EEPD1: variants seen among roughly 807,000 people sequenced by gnomAD.
EEPD1 encodes endonuclease/exonuclease/phosphatase family domain-containing protein 1.
Under a neutral mutation model 46.3 loss-of-function variants are expected in EEPD1, and 17 were observed. That is an observed-to-expected ratio of 0.37 (90% CI 0.25 to 0.55). The LOEUF (loss-of-function observed/expected upper bound fraction) is 0.55. Among genes scored for constraint, EEPD1 ranks in the 20% least tolerant of loss-of-function variants. The pLI, the probability that EEPD1 is intolerant of heterozygous loss-of-function variation, is 0.83. For missense variants in EEPD1, 673 were observed against 745.6 expected (o/e 0.90, Z 1.13); for synonymous variants, 313 against 315.6 (o/e 0.99, Z 0.09).
chr7:36,245,182 A>G (rs925162379), intron 3 of EEPD1, among the ~76,000 whole-genome samples: 38 of 152,112 alleles, frequency 2.5e-4, no homozygotes, highest in African/African-American at 9.2e-4. Context: ...TCCGGGCCTC[A>G]GGTCATCCAC....
In EEPD1 at chr7:36,161,897, CAAA is replaced by C. The variant is rs10570788; in HGVS notation, c.878+6712_878+6714del. 7.2e-4 allele frequency among the ~76,000 whole-genome samples: 91 copies of C among 127,098 alleles called. 2 individuals are homozygous for C. Among genetic ancestry groups the C allele is most frequent in the Admixed American group, 1.2e-3 (14 of 11,542 alleles). 83.4% of individuals were successfully genotyped at this position (127,098 alleles called of 152,430 possible). On this transcript the variant is annotated intron_variant, in intron 2 of 7. Transcript: ENST00000242108. Reference sequence around the variant, plus strand: ...TGACAGAGTGAGACCCTGTCTCTCTCAAAAAAAAAAAAAAAAAAATTACTCTAC... The same window carrying C: ...TGACAGAGTGAGACCCTGTCTCTCTCAAAAAAAAAAAAAAAATTACTCTAC...
At chr7:36,172,113 GT>G (rs1238957575) in intron 2 of EEPD1, among the ~76,000 whole-genome samples, 1 of 152,138 alleles carries the variant, frequency 6.6e-6, no homozygotes, top group Non-Finnish European at 1.5e-5. Flanking sequence ...TTACTGTGGT[GT>G]TATGATATAC....
intron 2 of EEPD1, among the ~76,000 whole-genome samples, chr7:36,219,109 C>T (rs1391798416): frequency 6.6e-6 from 1 of 151,974 alleles, no homozygotes; most frequent in East Asian, 1.9e-4. Flanking sequence ...TTGTAACATA[C>T]TTTGAAATCC....
chr7:36,286,307 C>T (rs2115881294), intron 5 of EEPD1, among the ~76,000 whole-genome samples: 1 of 152,308 alleles, frequency 6.6e-6, no homozygotes, highest in East Asian at 1.9e-4. Flanking sequence ...GCACTGTGCC[C>T]CCCACCCAGC....
At chr7:36,286,884 G>A (rs1254378699) in intron 5 of EEPD1, among the ~76,000 whole-genome samples, 4 of 152,118 alleles carry the variant, frequency 2.6e-5, no homozygotes, top group Admixed American at 2.6e-4. Flanking sequence ...GGCCAAGCTG[G>A]TCTCAAATTG....
At chr7:36,206,065 C>A (rs1404844961) in intron 2 of EEPD1, among the ~76,000 whole-genome samples, 1 of 152,198 alleles carries the variant, frequency 6.6e-6, no homozygotes, top group East Asian at 1.9e-4. Flanking sequence ...AGCCAGACTG[C>A]CCCAGCCCCA....
chr7:36,264,155 A>C (rs573909552), intron 3 of EEPD1, among the ~76,000 whole-genome samples: 1 of 152,242 alleles, frequency 6.6e-6, no homozygotes, highest in Non-Finnish European at 1.5e-5. Flanking sequence ...ACTAAGGCAT[A>C]CAGAATTGCA....
At chr7:36,255,426 T>C (rs1786813378) in intron 3 of EEPD1, among the ~76,000 whole-genome samples, 1 of 152,186 alleles carries the variant, frequency 6.6e-6, no homozygotes, top group South Asian at 2.1e-4. Context: ...TTTGTCAGGT[T>C]TGTCAAAGAT....
At chr7:36,172,641 T>A (rs909469382) in intron 2 of EEPD1, among the ~76,000 whole-genome samples, 1 of 109,320 alleles carries the variant, frequency 9.1e-6, no homozygotes, top group African/African-American at 3.4e-5. Context: ...TTTTTTTTTT[T>A]AGCTCATCAG....
chr7:36,204,012 C>T (rs1785765934), intron 2 of EEPD1, among the ~76,000 whole-genome samples: 1 of 151,078 alleles, frequency 6.6e-6, no homozygotes, highest in Non-Finnish European at 1.5e-5. Context: ...TGTCAAATGC[C>T]CTTTCTTTCT....
chr7:36,268,767 G>A (rs1215445421), intron 3 of EEPD1, among the ~76,000 whole-genome samples: 3 of 152,204 alleles, frequency 2.0e-5, no homozygotes, highest in Non-Finnish European at 4.4e-5. Flanking sequence ...GACTTGCTGG[G>A]TGCCAGGCCT....
At chr7:36,197,354 C>T (rs1037140577) in intron 2 of EEPD1, among the ~76,000 whole-genome samples, 3 of 151,788 alleles carry the variant, frequency 2.0e-5, no homozygotes, top group Non-Finnish European at 4.4e-5. Flanking sequence ...CTCTGCCCGG[C>T]CGCCCCTACT....
chr7:36,281,043 T>C, intron 3 of EEPD1, 72 bp from the exon 4 acceptor site: 1 of 1,336,510 alleles, frequency 7.5e-7, no homozygotes, highest in South Asian at 1.2e-5. Flanking sequence ...GTGCCTGGCT[T>C]CTCAGGCCGC....
chr7:36,229,883 C>T (rs1211218842), intron 2 of EEPD1, among the ~76,000 whole-genome samples: 1 of 152,096 alleles, frequency 6.6e-6, no homozygotes, highest in Non-Finnish European at 1.5e-5. Context: ...CTCACAGCCT[C>T]CTGGATGGTC....
At chr7:36,264,415 C>T (rs1786980043) in intron 3 of EEPD1, among the ~76,000 whole-genome samples, 1 of 152,188 alleles carries the variant, frequency 6.6e-6, no homozygotes, top group East Asian at 1.9e-4. Flanking sequence ...AGGATGATGA[C>T]ACCTCCCACC....
intron 2 of EEPD1, among the ~76,000 whole-genome samples, chr7:36,174,186 T>G (rs548261238): frequency 1.3e-5 from 2 of 152,338 alleles, no homozygotes; most frequent in African/African-American, 4.8e-5. Context: ...GGGGCATGTT[T>G]GCGTCTTGTT....
chr7:36,186,249 C>T (rs1239692238), intron 2 of EEPD1, among the ~76,000 whole-genome samples: 1 of 152,174 alleles, frequency 6.6e-6, no homozygotes, highest in African/African-American at 2.4e-5. Flanking sequence ...CTCTCCCTTC[C>T]TTCTGCCTTT....
chr7:36,190,112 C>G (rs1420191), intron 2 of EEPD1, among the ~76,000 whole-genome samples: 137,575 of 152,256 alleles, frequency 0.9, 62,702 homozygotes, highest in Non-Finnish European at 0.97. Flanking sequence ...TGGCTCACAC[C>G]TATAATCCCA....
At position 36,287,890 on chromosome 7, in the gene EEPD1, G is replaced by A. The variant is rs187989748; in HGVS notation, c.1315+113G>A. On this transcript the variant is annotated intron_variant, in intron 6 of 7. Coordinates refer to ENST00000242108, the MANE Select transcript of EEPD1 (RefSeq NM_030636.3). Reference sequence around the variant, plus strand: ...TGGCTGTTTGTCAGCAATGTGAGTCGCGGGTACAGGGGACAGTCAAACCTC... The same window carrying A: ...TGGCTGTTTGTCAGCAATGTGAGTCACGGGTACAGGGGACAGTCAAACCTC... 3.7e-5 allele frequency: 54 copies of A among 1,443,244 alleles called. No individual in the cohort carries two copies. The Middle Eastern group carries it at 6.6e-4, about 18-fold the overall frequency. The allele number at this position is 1,443,244 out of a possible 1,614,324, so 89.4% of individuals were successfully genotyped here. A position where few individuals can be genotyped will look rare whatever the true frequency, so the allele number is the denominator to read the frequency against.
Sources: allele counts gnomAD v4.1 joint callset (sites outside exome capture counted in the v4.1 genomes callset), GRCh38; gene constraint gnomAD v4.1.1; transcripts MANE v1.5; gene names NCBI Gene and HGNC (gene_info 2026-07-23, HGNC 2026-07-21).